Variants in IMPG1 observed in about 807,000 individuals in gnomAD.
The protein encoded by IMPG1 is interphotoreceptor matrix proteoglycan of 150 kDa.
A neutral mutation model predicts 92.0 loss-of-function variants in IMPG1; 85 were observed. The ratio of observed to expected loss-of-function variants is 0.92; its 90% confidence interval spans 0.78 to 1.11. The LOEUF (loss-of-function observed/expected upper bound fraction) is 1.11, where lower values mean the gene tolerates loss of function less well. Among genes scored for constraint, IMPG1 ranks in the 50% least tolerant of loss-of-function variants. The pLI, the probability that IMPG1 is intolerant of heterozygous loss-of-function variation, is 0.00. For synonymous variants in IMPG1, 367 were observed against 334.1 expected, an observed-to-expected ratio of 1.10 and a Z score of -1.08; for missense variants, 1,022 against 956.0, an observed-to-expected ratio of 1.07 and a Z score of -0.91.
chr6:76,063,201 C>G (rs898468591), intron 1 of IMPG1, among the ~76,000 whole-genome samples: 1 of 149,258 alleles, frequency 6.7e-6, no homozygotes, highest in African/African-American at 2.5e-5. Context: ...GAGACTCCAT[C>G]TCAAAAAAAT....
chr6:76,071,068 G>A (rs908792619), intron 1 of IMPG1, among the ~76,000 whole-genome samples: 1 of 150,168 alleles, frequency 6.7e-6, no homozygotes, highest in Non-Finnish European at 1.5e-5. Context: ...TTCTTGATAA[G>A]CTTATTTCAT....
chr6:76,013,617 C>T lies in IMPG1; in HGVS notation c.808-2393G>A, dbSNP rs534349063. On this transcript the variant is annotated intron_variant, in intron 7 of 16. Coordinates refer to ENST00000369950, the MANE Select transcript of IMPG1 (RefSeq NM_001563.4). ...TGAGGTACATGTCAGTTTCCCTCACCGAGATCATGCTCCTTGGCCATGTCC... is the reference window on the plus strand; with the variant it reads ...TGAGGTACATGTCAGTTTCCCTCACTGAGATCATGCTCCTTGGCCATGTCC... Among the ~76,000 whole-genome samples, 18 of 152,200 alleles carry T rather than the reference C, an allele frequency of 1.2e-4. No homozygotes were observed. The East Asian group carries it at 2.5e-3, about 21-fold the overall frequency.
intron 12 of IMPG1, among the ~76,000 whole-genome samples, chr6:75,955,093 CA>C (rs1485806525): frequency 6.6e-6 from 1 of 152,166 alleles, no homozygotes; most frequent in Non-Finnish European, 1.5e-5. Context: ...CTTAGCCATA[CA>C]GGCTCTTTTT....
At chr6:75,973,122 GA>G (rs924673889) in intron 12 of IMPG1, among the ~76,000 whole-genome samples, 4 of 152,074 alleles carry the variant, frequency 2.6e-5, no homozygotes, top group African/African-American at 9.7e-5. Flanking sequence ...GAATTACGGG[GA>G]CATACTATCA....
At chr6:75,942,015 G>A (rs891986772) in intron 14 of IMPG1, among the ~76,000 whole-genome samples, 7 of 152,162 alleles carry the variant, frequency 4.6e-5, no homozygotes, top group African/African-American at 1.2e-4. Flanking sequence ...CTTCAGTGTT[G>A]CGGACCACTA....
intron 4 of IMPG1, among the ~76,000 whole-genome samples, chr6:76,031,915 C>A (rs183188914): frequency 2.0e-4 from 31 of 152,316 alleles, no homozygotes; most frequent in African/African-American, 6.5e-4. Flanking sequence ...CAATCTATAC[C>A]ATCACCGAGG....
chr6:75,927,989 G>A (rs1292375055), intron 15 of IMPG1, among the ~76,000 whole-genome samples: 2 of 151,910 alleles, frequency 1.3e-5, no homozygotes, highest in African/African-American at 4.8e-5. Context: ...TCTCACTTAC[G>A]ACAACCTAGA....
chr6:76,068,825 A>T (rs1436732958), intron 1 of IMPG1, among the ~76,000 whole-genome samples: 3 of 151,952 alleles, frequency 2.0e-5, no homozygotes, highest in Admixed American at 1.3e-4. Context: ...AAATGGCCAT[A>T]CTTCTTAAAA....
At chr6:76,068,406 A>C (rs954816824) in intron 1 of IMPG1, among the ~76,000 whole-genome samples, 1 of 152,158 alleles carries the variant, frequency 6.6e-6, no homozygotes, top group East Asian at 1.9e-4. Flanking sequence ...ATCTACAAGG[A>C]GAGTTACAGA....
At chr6:76,061,402 G>A (rs947496227) in intron 1 of IMPG1, among the ~76,000 whole-genome samples, 6 of 152,172 alleles carry the variant, frequency 3.9e-5, no homozygotes, top group Admixed American at 2.0e-4. Context: ...CAGTTAATGT[G>A]CCTACCATTA....
At chr6:75,924,671 T>TATATG (rs1562335112) in intron 15 of IMPG1, among the ~76,000 whole-genome samples, 1 of 9,944 alleles carries the variant, frequency 1.0e-4, no homozygotes, top group East Asian at 4.5e-3. Context: ...TATAATAAAT[T>TATATG]ATATATTATA....
At chr6:76,047,246 T>C (rs957123741) in intron 1 of IMPG1, among the ~76,000 whole-genome samples, 2 of 152,188 alleles carry the variant, frequency 1.3e-5, no homozygotes, top group African/African-American at 4.8e-5. Context: ...TTGTCTTTCA[T>C]ATGGGAGGGC....
chr6:75,941,562 A>G (rs981224079), intron 14 of IMPG1, among the ~76,000 whole-genome samples: 1 of 152,244 alleles, frequency 6.6e-6, no homozygotes, highest in Non-Finnish European at 1.5e-5. Context: ...TAAAATATTT[A>G]CTGTTTGGCT....
chr6:76,011,255 C>A (rs979456190), intron 7 of IMPG1, 31 bp from the exon 8 acceptor site: 1 of 1,235,680 alleles, frequency 8.1e-7, no homozygotes, highest in Non-Finnish European at 1.2e-6. Flanking sequence ...GTAAAATACT[C>A]TTTGGTTCTG....
chr6:76,005,386 G>A lies in IMPG1; in HGVS notation c.1036C>T (p.Pro346Ser). 1.9e-6 allele frequency: 3 copies of A among 1,614,026 alleles called. No homozygotes were observed. Among genetic ancestry groups the A allele is most frequent in the Non-Finnish European group, 2.5e-6 (3 of 1,179,944 alleles). Residue 346 changes from proline to serine, a missense_variant, in exon 10 of 17, where the codon CCA (proline) becomes TCA (serine). By Grantham distance (74) the Pro-to-Ser change is moderately conservative. Coordinates refer to ENST00000369950, the MANE Select transcript of IMPG1 (RefSeq NM_001563.4). ...YHGTMEEDKQ[P>S]EIYLTATDLK... ...TCTGTAGCTGTGAGATAGATTTCTG[G>A]TTGCTTGTCCTCCTCCATGGTTCCA...
intron 1 of IMPG1, among the ~76,000 whole-genome samples, chr6:76,057,482 G>A (rs1784139697): frequency 6.6e-6 from 1 of 152,070 alleles, no homozygotes; most frequent in Admixed American, 6.6e-5. Flanking sequence ...CCTCAAAGTG[G>A]GGCTTAAATT....
Position 76,002,947 on chromosome 6 carries a change from G to T in IMPG1, c.1262C>A (p.Thr421Lys). The T allele has an allele frequency of 1.2e-6, 2 of 1,613,696 alleles. No homozygotes were observed. The highest frequency in any genetic ancestry group is 1.7e-6 in the Non-Finnish European group (2 of 1,179,692). Residue 421 changes from threonine to lysine, a missense_variant, in exon 12 of 17, where the codon ACA (threonine) becomes AAA (lysine). Coordinates refer to ENST00000369950, the MANE Select transcript of IMPG1 (RefSeq NM_001563.4). ...TAGACCATGCTCTGCTCCGTCCACTGTCTCAAGCTGGGGTTCAACAGGAGG... is the reference window on the plus strand; with the variant it reads ...TAGACCATGCTCTGCTCCGTCCACTTTCTCAAGCTGGGGTTCAACAGGAGG... The part of the protein sequence containing the change: ...ELPPVEPQLE[T>K]VDGAEHGLPD...
At chr6:76,030,106 G>C (rs760604147) in intron 4 of IMPG1, among the ~76,000 whole-genome samples, 1 of 152,184 alleles carries the variant, frequency 6.6e-6, no homozygotes, top group African/African-American at 2.4e-5. Context: ...CATGGATAAA[G>C]GGCATGTTAA....
At chr6:75,986,825 G>A (rs922273890) in intron 12 of IMPG1, among the ~76,000 whole-genome samples, 2 of 151,756 alleles carry the variant, frequency 1.3e-5, no homozygotes, top group Non-Finnish European at 2.9e-5. Context: ...AAACTTAAAA[G>A]CAAAAAGAAA....
Sources: allele counts gnomAD v4.1 joint callset (sites outside exome capture counted in the v4.1 genomes callset), GRCh38; gene constraint gnomAD v4.1.1; transcripts MANE v1.5; gene names NCBI Gene and HGNC (gene_info 2026-07-23, HGNC 2026-07-21).